The following RANBP2 variants were observed in gnomAD, a reference collection of about 807,000 sequenced individuals.
RANBP2 encodes the protein E3 SUMO-protein ligase RanBP2.
Under a neutral mutation model 303.6 loss-of-function variants are expected in RANBP2, and 57 were observed. The ratio of observed to expected loss-of-function variants is 0.19; its 90% CI spans 0.15 to 0.23. RANBP2 has a LOEUF of 0.23. Among genes scored for constraint, RANBP2 ranks in the 10% least tolerant of loss-of-function variants. The pLI, the probability that RANBP2 is intolerant of heterozygous loss-of-function variation, is 1.00. For missense variants in RANBP2, 3,138 were observed against 3,780.8 expected (o/e 0.83, Z 4.46); for synonymous variants, 1,167 against 1,301.5 (o/e 0.90, Z 2.23).
At chr2:108,889,404 TTATTG>T in the RANBP2 span, among the ~76,000 whole-genome samples, 1 of 152,208 alleles carries the variant, frequency 6.6e-6, no homozygotes, top group African/African-American at 2.4e-5. Flanking sequence ...TCTCTGACTG[TTATTG>T]TATTGCATCT....
chr2:109,701,766 C>A, the RANBP2 span, among the ~76,000 whole-genome samples: 1 of 152,132 alleles, frequency 6.6e-6, no homozygotes. Context: ...GTTTTCCTGA[C>A]ATAGTTCCCA....
chr2:109,543,223 A>C, the RANBP2 span: 1 of 152,634 alleles, frequency 6.6e-6, no homozygotes. Flanking sequence ...TATTTTTAAT[A>C]AAATGATTCA....
At chr2:109,556,047 A>C in the RANBP2 span, among the ~76,000 whole-genome samples, 2 of 152,196 alleles carry the variant, frequency 1.3e-5, no homozygotes, top group Non-Finnish European at 2.9e-5. Flanking sequence ...ACTATCCAGC[A>C]GAGCTCTCTA....
the RANBP2 span, among the ~76,000 whole-genome samples, chr2:109,112,653 C>T: frequency 6.6e-6 from 1 of 151,986 alleles, no homozygotes; most frequent in African/African-American, 2.4e-5. Context: ...TCCCATTTGT[C>T]AATTTTGGCT....
chr2:109,051,991 G>A, the RANBP2 span, among the ~76,000 whole-genome samples: 8 of 152,200 alleles, frequency 5.3e-5, no homozygotes, highest in East Asian at 3.9e-4. Context: ...CTGGTGATCC[G>A]CCCGCCTCGG....
the RANBP2 span, among the ~76,000 whole-genome samples, chr2:108,915,331 G>A: frequency 2.0e-5 from 3 of 152,322 alleles, no homozygotes; most frequent in African/African-American, 7.2e-5. Context: ...AATGGAGCAG[G>A]GCCACAGGAG....
At chr2:109,341,076 G>A in the RANBP2 span, among the ~76,000 whole-genome samples, 2 of 152,126 alleles carry the variant, frequency 1.3e-5, no homozygotes, top group Non-Finnish European at 2.9e-5. Context: ...TTCATCCTTT[G>A]TCTTATTTCA....
the RANBP2 span, among the ~76,000 whole-genome samples, chr2:109,735,174 T>C: frequency 7.5e-4 from 115 of 152,332 alleles, no homozygotes; most frequent in Non-Finnish European, 1.4e-3. Context: ...TCCCTGCCTT[T>C]CCTAGCCCTT....
the RANBP2 span, chr2:109,613,866 C>A: frequency 1.6e-6 from 2 of 1,231,626 alleles, no homozygotes; most frequent in Non-Finnish European, 2.0e-6. Context: ...CTGTATCAGC[C>A]CGGCCCCGAG....
the RANBP2 span, among the ~76,000 whole-genome samples, chr2:108,889,226 A>C: frequency 1.3e-5 from 2 of 152,200 alleles, no homozygotes; most frequent in Non-Finnish European, 2.9e-5. Flanking sequence ...CATATGGTCT[A>C]TCCTGGAGAA....
chr2:109,092,205 C>T, the RANBP2 span, among the ~76,000 whole-genome samples: 1 of 152,128 alleles, frequency 6.6e-6, no homozygotes, highest in Non-Finnish European at 1.5e-5. Flanking sequence ...CCTAATTTGT[C>T]TGGTCACAAT....
At chr2:109,369,752 A>G in the RANBP2 span, among the ~76,000 whole-genome samples, 1 of 152,148 alleles carries the variant, frequency 6.6e-6, no homozygotes. Flanking sequence ...CTGTTAGATC[A>G]ATGCTGCCTC....
the RANBP2 span, among the ~76,000 whole-genome samples, chr2:108,881,511 T>C: frequency 2.0e-5 from 3 of 152,236 alleles, no homozygotes; most frequent in African/African-American, 7.2e-5. Context: ...TAAGAACTTT[T>C]CCTTTGCTTT....
chr2:108,771,881 T>G lies in RANBP2; in HGVS notation c.8020+10T>G, dbSNP rs374753445. On this transcript the variant is annotated intron_variant, in intron 21 of 28. Coordinates refer to ENST00000283195, the MANE Select transcript of RANBP2 (RefSeq NM_006267.5). The stretch of plus-strand genomic sequence containing the variant: ...GAAGAAGAGGAGGATGGTAAAACTT[T>G]TGTTATTTCAAAAATCCTCTGTTCC... 4 of 1,613,758 alleles carry G rather than the reference T, an allele frequency of 2.5e-6. No homozygotes were observed. Among genetic ancestry groups the G allele is most frequent in the African/African-American group, 2.7e-5 (2 of 74,932 alleles).
At chr2:109,590,333 G>A in the RANBP2 span, among the ~76,000 whole-genome samples, 2 of 152,016 alleles carry the variant, frequency 1.3e-5, no homozygotes, top group South Asian at 4.1e-4. Context: ...GTGTCTCTGA[G>A]AAGAGATTTT....
At chr2:109,549,682 T>C in the RANBP2 span, among the ~76,000 whole-genome samples, 1 of 152,210 alleles carries the variant, frequency 6.6e-6, no homozygotes, top group Non-Finnish European at 1.5e-5. Flanking sequence ...GGGGATACAT[T>C]CCAAGACTCC....
chr2:109,289,143 A>G, the RANBP2 span, among the ~76,000 whole-genome samples: 1 of 152,116 alleles, frequency 6.6e-6, no homozygotes, highest in Admixed American at 6.6e-5. Context: ...AAAATTATTA[A>G]CTATCTCCTC....
At chr2:109,237,828 T>G in the RANBP2 span, among the ~76,000 whole-genome samples, 2 of 152,226 alleles carry the variant, frequency 1.3e-5, no homozygotes, top group East Asian at 1.9e-4. Flanking sequence ...AGTTTCCATT[T>G]TAGTATAAAA....
the RANBP2 span, among the ~76,000 whole-genome samples, chr2:109,524,444 C>CAAAAAAAAAAAAAAAAAAAA: frequency 4.7e-5 from 4 of 84,404 alleles, no homozygotes; most frequent in African/African-American, 2.6e-4. Context: ...GACCCTGTCT[C>CAAAAAAAAAAAAAAAAAAAA]AAAAAAAAAA....
Sources: gnomAD v4.1 joint callset for allele counts (sites outside exome capture counted in the v4.1 genomes callset) on GRCh38, gnomAD v4.1.1 for gene constraint, MANE v1.5 for transcripts, NCBI Gene and HGNC (gene_info 2026-07-23, HGNC 2026-07-21) for gene names.